Variants in SLC9D1 observed in about 807,000 individuals in gnomAD.
The protein encoded by SLC9D1 is solute carrier family 9 member D1, also known as putative LAG1-interacting protein.
the SLC9D1 span, chr13:113,547,332 G>C: frequency 6.8e-6 from 11 of 1,614,106 alleles, no homozygotes; most frequent in Admixed American, 1.5e-4. Flanking sequence ...TGTGGCGTAC[G>C]AGCTCACGGT....
the SLC9D1 span, chr13:113,539,490 T>C: frequency 1.2e-6 from 2 of 1,612,704 alleles, no homozygotes; most frequent in East Asian, 2.2e-5. The surrounding 1 kb of genome is among the most constrained non-coding windows in gnomAD (Gnocchi z 4.8). Context: ...CTGGCCATCG[T>C]TTTCTTCGCC....
chr13:113,539,295 G>A, the SLC9D1 span: 1 of 1,554,356 alleles, frequency 6.4e-7, no homozygotes. The surrounding 1 kb of genome is among the most constrained non-coding windows in gnomAD (Gnocchi z 4.8). Flanking sequence ...GGTGGCCTTG[G>A]GATGGGGGTG....
chr13:113,533,846 C>T, the SLC9D1 span, among the ~76,000 whole-genome samples: 2 of 152,212 alleles, frequency 1.3e-5, no homozygotes, highest in African/African-American at 2.4e-5. Context: ...ACCAATGCAG[C>T]TTCCACCTTT....
chr13:113,525,023 G>A, the SLC9D1 span, among the ~76,000 whole-genome samples: 2 of 152,090 alleles, frequency 1.3e-5, no homozygotes, highest in African/African-American at 4.8e-5. Context: ...TGAGTGTATT[G>A]CTCTGTGTGG....
At chr13:113,546,745 C>T in the SLC9D1 span, among the ~76,000 whole-genome samples, 19 of 152,284 alleles carry the variant, frequency 1.2e-4, no homozygotes, top group South Asian at 3.1e-3. The surrounding 1 kb of genome is among the most constrained non-coding windows in gnomAD (Gnocchi z 7.1). Flanking sequence ...GCCCCAGCAC[C>T]GCCGGCCCCT....
chr13:113,511,264 CTTCACTCTGACG>C, the SLC9D1 span, among the ~76,000 whole-genome samples: 2 of 152,258 alleles, frequency 1.3e-5, no homozygotes, highest in Non-Finnish European at 2.9e-5. Flanking sequence ...GTCACAGTCA[CTTCACTCTGACG>C]TTCACCCTGC....
At chr13:113,540,423 G>A in the SLC9D1 span, among the ~76,000 whole-genome samples, 6 of 152,266 alleles carry the variant, frequency 3.9e-5, no homozygotes, top group East Asian at 1.9e-4. Flanking sequence ...TTTTAGAATC[G>A]CCATTCTGAC....
At chr13:113,520,727 C>G in the SLC9D1 span, 1 of 1,606,702 alleles carries the variant, frequency 6.2e-7, no homozygotes. Context: ...GCCAGTGCAT[C>G]TTCTAGGTAA....
At chr13:113,520,564 T>C in the SLC9D1 span, 67 of 1,297,206 alleles carry the variant, frequency 5.2e-5, no homozygotes, top group Non-Finnish European at 6.3e-5. Context: ...ATTTTGACTT[T>C]GGATACTTTT....
chr13:113,544,682 C>T, the SLC9D1 span, among the ~76,000 whole-genome samples: 2 of 152,266 alleles, frequency 1.3e-5, no homozygotes, highest in Admixed American at 1.3e-4. Context: ...AGGGCCATGC[C>T]TGCTCCACAG....
At chr13:113,500,289 T>C in the SLC9D1 span, 2 of 443,830 alleles carry the variant, frequency 4.5e-6, no homozygotes, top group Non-Finnish European at 7.8e-6. Context: ...TTATCTGTGA[T>C]TTGAGGCATC....
At chr13:113,535,566 A>G in the SLC9D1 span, among the ~76,000 whole-genome samples, 2 of 152,248 alleles carry the variant, frequency 1.3e-5, no homozygotes, top group Non-Finnish European at 2.9e-5. The surrounding 1 kb of genome is among the most constrained non-coding windows in gnomAD (Gnocchi z 4.1). Context: ...TTCAGTGGGT[A>G]AATAAATGTT....
the SLC9D1 span, chr13:113,534,438 T>C: frequency 7.9e-5 from 47 of 594,882 alleles, no homozygotes; most frequent in African/African-American, 8.0e-4. Context: ...GTTTAACTGG[T>C]TTGACTCATA....
chr13:113,538,448 G>A, the SLC9D1 span, among the ~76,000 whole-genome samples: 8 of 152,190 alleles, frequency 5.3e-5, no homozygotes, highest in South Asian at 8.3e-4. Context: ...AATTCCACTC[G>A]AGTTTTTAGA....
chr13:113,534,505 T>G, the SLC9D1 span: 6 of 492,142 alleles, frequency 1.2e-5, no homozygotes. Flanking sequence ...AACAAATCCG[T>G]GGGCCGGGTA....
chr13:113,520,323 A>C, the SLC9D1 span, among the ~76,000 whole-genome samples: 1 of 152,004 alleles, frequency 6.6e-6, no homozygotes. Flanking sequence ...GTCTCTACTA[A>C]AGATATAAAA....
chr13:113,542,400 C>G, the SLC9D1 span, among the ~76,000 whole-genome samples: 4 of 151,878 alleles, frequency 2.6e-5, no homozygotes, highest in African/African-American at 7.3e-5. Context: ...GCTTTATTAC[C>G]GCCGAGATGT....
the SLC9D1 span, chr13:113,528,345 A>G: frequency 0.39 from 59,380 of 152,204 alleles, 12,774 homozygotes; most frequent in African/African-American, 0.57. Context: ...CGGCCCAAAC[A>G]GCTGGCAAGC....
At chr13:113,520,090 A>G in the SLC9D1 span, among the ~76,000 whole-genome samples, 1 of 152,354 alleles carries the variant, frequency 6.6e-6, no homozygotes, top group African/African-American at 2.4e-5. Flanking sequence ...AATAACAAGT[A>G]AGTCGTGGAA....
Sources: allele counts gnomAD v4.1 joint callset (sites outside exome capture counted in the v4.1 genomes callset), GRCh38; gene constraint gnomAD v4.1.1; non-coding constraint Gnocchi (gnomAD v3.1); transcripts MANE v1.5; gene names NCBI Gene and HGNC (gene_info 2026-07-23, HGNC 2026-07-21).